Variants in RAI1 observed in about 807,000 individuals in gnomAD.
The protein encoded by RAI1 is retinoic acid-induced protein 1.
A neutral mutation model predicts 123.8 loss-of-function variants in RAI1; 9 were observed. The observed-to-expected ratio is 0.07, with a 90% CI of 0.04 to 0.13. RAI1 has a LOEUF of 0.13. Ranked by LOEUF, RAI1 falls within the 10% of genes least tolerant of loss-of-function variation. RAI1 has a pLI of 1.00. For missense variants in RAI1, 2,256 were observed against 2,545.8 expected (o/e 0.89, Z 2.45); for synonymous variants, 1,231 against 1,127.3 (o/e 1.09, Z -1.84).
intron 2 of RAI1, among the ~76,000 whole-genome samples, chr17:17,757,193 A>G (rs565848928): frequency 6.6e-6 from 1 of 152,320 alleles, no homozygotes; most frequent in South Asian, 2.1e-4. Flanking sequence ...AAGTGGGGAC[A>G]GCTGTGGAGG....
chr17:17,724,497 G>C (rs1391416849), intron 2 of RAI1, among the ~76,000 whole-genome samples: 2 of 149,936 alleles, frequency 1.3e-5, no homozygotes, highest in African/African-American at 4.9e-5. Context: ...GCATTGGTGA[G>C]CGGTCTTGAC....
At chr17:17,778,448 A>G (rs1262095593) in intron 2 of RAI1, 2 of 295,722 alleles carry the variant, frequency 6.8e-6, no homozygotes, top group East Asian at 8.6e-5. Context: ...TGTTTAATTT[A>G]GAGTATCTTG....
chr17:17,724,465 C>T (rs1186876251), intron 2 of RAI1, among the ~76,000 whole-genome samples: 1 of 143,000 alleles, frequency 7.0e-6, no homozygotes. Flanking sequence ...TGGGGATTCC[C>T]CCCTCCCCTT....
chr17:17,735,055 ACT>A (rs955799280), intron 2 of RAI1, among the ~76,000 whole-genome samples: 1 of 95,344 alleles, frequency 1.0e-5, no homozygotes, highest in African/African-American at 6.2e-5. Context: ...ATAGAAACTT[ACT>A]TTTTTTTTTT....
chr17:17,728,076 TC>T (rs1384863137), intron 2 of RAI1, among the ~76,000 whole-genome samples: 5 of 151,896 alleles, frequency 3.3e-5, no homozygotes, highest in Non-Finnish European at 7.4e-5. Flanking sequence ...CCTGTGTGTG[TC>T]CCCTCTGTGG....
intron 2 of RAI1, among the ~76,000 whole-genome samples, chr17:17,740,640 C>A (rs1255613312): frequency 1.3e-5 from 2 of 152,210 alleles, no homozygotes; most frequent in Non-Finnish European, 2.9e-5. Context: ...GGGTTTGAAC[C>A]TGTCTTCTCA....
chr17:17,703,426 A>AG (rs1224478740), intron 1 of RAI1, among the ~76,000 whole-genome samples: 2 of 152,176 alleles, frequency 1.3e-5, no homozygotes. Context: ...AACCTTTGGA[A>AG]GGGACTCTCT....
At chr17:17,744,063 C>T (rs937009293) in intron 2 of RAI1, among the ~76,000 whole-genome samples, 11 of 152,218 alleles carry the variant, frequency 7.2e-5, no homozygotes, top group Admixed American at 7.2e-4. Context: ...AGAGGCTTTG[C>T]CTACAGACCT....
At chr17:17,686,792 G>A (rs1402055996) in intron 1 of RAI1, among the ~76,000 whole-genome samples, 6 of 151,780 alleles carry the variant, frequency 4.0e-5, no homozygotes. Context: ...AGTGTGCTTA[G>A]GGCCAGGAAG....
chr17:17,752,489 C>A lies in RAI1; in HGVS notation c.-17+28330C>A, dbSNP rs2030234302. Among the ~76,000 whole-genome samples the A allele has an allele frequency of 2.0e-5, 3 of 152,194 alleles. No homozygotes were observed. The South Asian group carries it at 6.2e-4, about 31-fold the overall frequency. ...GGCGGGGCTTCCGGAACAGCCGCCCCGGGAGCCTGGGATAGGGGTGAGTGC... is the reference window on the plus strand; with the variant it reads ...GGCGGGGCTTCCGGAACAGCCGCCCAGGGAGCCTGGGATAGGGGTGAGTGC... On this transcript the variant is annotated intron_variant, in intron 2 of 5. Transcript: ENST00000353383.
At chr17:17,749,804 G>A (rs1032818088) in intron 2 of RAI1, among the ~76,000 whole-genome samples, 6 of 152,292 alleles carry the variant, frequency 3.9e-5, no homozygotes, top group Admixed American at 3.9e-4. Context: ...CCTACCTTCT[G>A]TTGCTCCCCT....
At chr17:17,798,980 C>T in intron 3 of RAI1, among the ~76,000 whole-genome samples, 1 of 150,320 alleles carries the variant, frequency 6.7e-6, no homozygotes, top group East Asian at 1.9e-4. Flanking sequence ...CTCAGGAAGA[C>T]CCTCTCTGGC....
In RAI1 at chr17:17,797,236, A is replaced by G. The variant is rs1232093275; in HGVS notation, c.4288A>G (p.Thr1430Ala). ...STDCFKTEAF[T>A]SPEALQPGGT... is the part of the protein sequence containing the mutation. ...TGACTGTTTCAAAACCGAGGCCTTCACATCCCCGGAGGCCCTGCAGCCTGG... is the reference window on the plus strand; with the variant it reads ...TGACTGTTTCAAAACCGAGGCCTTCGCATCCCCGGAGGCCCTGCAGCCTGG... Residue 1430 changes from threonine to alanine, a missense_variant, in exon 3 of 6, where the codon ACA becomes GCA. This residue lies in a region of RAI1 where 410 missense variants were observed against 374.6 expected (regional missense o/e 1.09). Transcript: ENST00000353383. 4 of 1,613,434 alleles carry G rather than the reference A, an allele frequency of 2.5e-6. No homozygotes were observed. In the East Asian group the frequency reaches 6.7e-5, roughly 27 times the overall value.
chr17:17,767,387 T>C (rs191008832), intron 2 of RAI1, among the ~76,000 whole-genome samples: 1 of 151,888 alleles, frequency 6.6e-6, no homozygotes, highest in Non-Finnish European at 1.5e-5. Flanking sequence ...TCAGAGCTGT[T>C]GGTCTTTTTA....
At chr17:17,709,250 G>A (rs1463186125) in intron 1 of RAI1, among the ~76,000 whole-genome samples, 2 of 152,212 alleles carry the variant, frequency 1.3e-5, no homozygotes, top group Non-Finnish European at 2.9e-5. Flanking sequence ...TACCTAGGGA[G>A]AGCAGAGCTG....
At chr17:17,698,445 A>G (rs1038522060) in intron 1 of RAI1, among the ~76,000 whole-genome samples, 4 of 152,192 alleles carry the variant, frequency 2.6e-5, no homozygotes, top group African/African-American at 4.8e-5. Flanking sequence ...TAGTCAGGAA[A>G]GCGGCAGACA....
chr17:17,703,142 C>CCA (rs891944900), intron 1 of RAI1, among the ~76,000 whole-genome samples: 14 of 152,170 alleles, frequency 9.2e-5, no homozygotes, highest in Non-Finnish European at 1.9e-4. Flanking sequence ...CCTGCACCTC[C>CCA]ACCCCCAGGA....
At chr17:17,765,634 TGA>T (rs1160543506) in intron 2 of RAI1, among the ~76,000 whole-genome samples, 1 of 152,236 alleles carries the variant, frequency 6.6e-6, no homozygotes, top group African/African-American at 2.4e-5. Flanking sequence ...GGTACACGTG[TGA>T]GGAATCTCCC....
At chr17:17,783,880 A>G (rs545743385) in intron 2 of RAI1, among the ~76,000 whole-genome samples, 149 of 152,226 alleles carry the variant, frequency 9.8e-4, no homozygotes, top group Middle Eastern at 3.4e-3. Context: ...TGAATGCGCA[A>G]TTAACGAAGT....
Sources: gnomAD v4.1 joint callset for allele counts (sites outside exome capture counted in the v4.1 genomes callset) on GRCh38, gnomAD v4.1.1 for gene constraint, gnomAD v4.1.1 regional missense constraint, MANE v1.5 for transcripts, NCBI Gene and HGNC (gene_info 2026-07-23, HGNC 2026-07-21) for gene names.